Variants in ROBO2 observed in about 807,000 individuals in gnomAD.
ROBO2 encodes the protein roundabout guidance receptor 2, also known as roundabout homolog 2.
A neutral mutation model predicts 160.8 loss-of-function variants in ROBO2; 53 were observed. The observed-to-expected ratio is 0.33, with a 90% CI of 0.26 to 0.41. ROBO2 has a LOEUF of 0.41. Among genes scored for constraint, ROBO2 ranks in the 10% least tolerant of loss-of-function variants. The pLI is 1.00. For synonymous variants in ROBO2, 664 were observed against 611.7 expected, an observed-to-expected ratio of 1.09 and a Z score of -1.26; for missense variants, 1,577 against 1,722.4, an observed-to-expected ratio of 0.92 and a Z score of 1.49.
intron 2 of ROBO2, among the ~76,000 whole-genome samples, chr3:76,253,770 A>G (rs1706185322): frequency 6.6e-6 from 1 of 151,830 alleles, no homozygotes; most frequent in African/African-American, 2.4e-5. Context: ...CAAGTGAGAT[A>G]GCATATCCAT....
At chr3:76,665,565 G>C (rs1411544961) in intron 2 of ROBO2, among the ~76,000 whole-genome samples, 1 of 151,442 alleles carries the variant, frequency 6.6e-6, no homozygotes, top group Admixed American at 6.6e-5. Flanking sequence ...TAAGGCCAAT[G>C]ATGGAACAAT....
chr3:76,653,502 G>C (rs1055307738), intron 2 of ROBO2, among the ~76,000 whole-genome samples: 1 of 151,766 alleles, frequency 6.6e-6, no homozygotes, highest in Non-Finnish European at 1.5e-5. Context: ...CCAAAGTAAT[G>C]ATTTACTATT....
intron 2 of ROBO2, among the ~76,000 whole-genome samples, chr3:76,908,104 T>C (rs991386452): frequency 2.6e-5 from 4 of 152,094 alleles, no homozygotes; most frequent in African/African-American, 9.7e-5. Context: ...CTTCCCAAAG[T>C]GCTAGGATTA....
chr3:76,653,920 T>A (rs1252791622), intron 2 of ROBO2, among the ~76,000 whole-genome samples: 2 of 152,126 alleles, frequency 1.3e-5, no homozygotes, highest in African/African-American at 4.8e-5. Flanking sequence ...CCTCTTACCT[T>A]TTTAATATGG....
In ROBO2 at chr3:76,126,730, T is replaced by C. The variant is rs17013816; in HGVS notation, c.109+189128T>C. On this transcript the variant is annotated intron_variant, in intron 2 of 26. Coordinates refer to the ROBO2 transcript ENST00000487694. ...TCTCCTTACTTTTGAGGGAATACAG[T>C]ATCATGTTCAAATGATCCCTACATT... Among the ~76,000 whole-genome samples the C allele has an allele frequency of 3.0e-3, 462 of 152,292 alleles. 4 individuals are homozygous for C. Among genetic ancestry groups the C allele is most frequent in the African/African-American group, 0.011 (445 of 41,580 alleles).
At chr3:77,557,416 T>A (rs981508515) in intron 8 of ROBO2, among the ~76,000 whole-genome samples, 2 of 151,936 alleles carry the variant, frequency 1.3e-5, no homozygotes, top group Non-Finnish European at 2.9e-5. Context: ...TATTTTAACA[T>A]CAGCAGAAAT....
intron 2 of ROBO2, among the ~76,000 whole-genome samples, chr3:77,444,480 A>T (rs934476854): frequency 1.3e-5 from 2 of 152,194 alleles, no homozygotes; most frequent in African/African-American, 4.8e-5. Context: ...GTTCAATGAC[A>T]TACCAGTTTC....
At chr3:76,416,835 C>T (rs1472083273) in intron 2 of ROBO2, among the ~76,000 whole-genome samples, 1 of 152,064 alleles carries the variant, frequency 6.6e-6, no homozygotes, top group African/African-American at 2.4e-5. Flanking sequence ...ATCTCTTCTT[C>T]GTGATAATGT....
In ROBO2 at chr3:76,639,156, G is replaced by T. The variant is rs141021215; in HGVS notation, c.110-458858G>T. 8.8e-3 allele frequency among the ~76,000 whole-genome samples: 1,338 copies of T among 151,986 alleles called. 13 individuals carry two copies. Among genetic ancestry groups the T allele is most frequent in the African/African-American group, 0.03 (1,263 of 41,442 alleles). On this transcript the variant is annotated intron_variant, in intron 2 of 26. Transcript: ENST00000487694. ...AATATATATGTATCTATACATATGT[G>T]CATGTATACATATGTGTATATATGT...
chr3:76,419,796 C>G (rs2108911825), intron 2 of ROBO2, among the ~76,000 whole-genome samples: 1 of 152,110 alleles, frequency 6.6e-6, no homozygotes, highest in East Asian at 1.9e-4. Context: ...GACTGAATAG[C>G]TATTTCCAAT....
At chr3:76,040,562 T>G (rs1343276343) in intron 2 of ROBO2, among the ~76,000 whole-genome samples, 1 of 152,070 alleles carries the variant, frequency 6.6e-6, no homozygotes, top group Non-Finnish European at 1.5e-5. Context: ...ATAATTTTAT[T>G]TTTGTAAGAA....
intron 2 of ROBO2, among the ~76,000 whole-genome samples, chr3:77,410,645 T>C (rs1159763687): frequency 1.0e-3 from 58 of 55,610 alleles, no homozygotes; most frequent in Admixed American, 2.7e-3. Context: ...CCTGCTCCTC[T>C]TTCTCCTCCT....
At chr3:76,989,816 T>C (rs1021890159) in intron 2 of ROBO2, among the ~76,000 whole-genome samples, 4 of 152,068 alleles carry the variant, frequency 2.6e-5, no homozygotes, top group Non-Finnish European at 5.9e-5. Context: ...TGAAATAAAA[T>C]TTTCTTATAT....
At chr3:76,263,804 G>T (rs938964101) in intron 2 of ROBO2, among the ~76,000 whole-genome samples, 8 of 152,038 alleles carry the variant, frequency 5.3e-5, no homozygotes, top group Non-Finnish European at 1.0e-4. Context: ...CAACAGCAAA[G>T]ACTTGGAACC....
intron 2 of ROBO2, among the ~76,000 whole-genome samples, chr3:76,405,733 C>G (rs1012813839): frequency 6.6e-6 from 1 of 151,604 alleles, no homozygotes; most frequent in African/African-American, 2.4e-5. Flanking sequence ...CTCTTAATGT[C>G]AAAAGCAACC....
At chr3:76,910,287 T>A (rs955657098) in intron 2 of ROBO2, among the ~76,000 whole-genome samples, 2 of 152,162 alleles carry the variant, frequency 1.3e-5, no homozygotes, top group Non-Finnish European at 2.9e-5. Flanking sequence ...AACTAATACA[T>A]CCTCAACAAC....
chr3:76,821,139 A>G (rs1384933554), intron 2 of ROBO2, among the ~76,000 whole-genome samples: 1 of 152,028 alleles, frequency 6.6e-6, no homozygotes, highest in Non-Finnish European at 1.5e-5. Flanking sequence ...AATCGAAAAA[A>G]TAAACACTAC....
At chr3:75,977,204 A>T (rs2065155926) in intron 2 of ROBO2, among the ~76,000 whole-genome samples, 1 of 151,556 alleles carries the variant, frequency 6.6e-6, no homozygotes, top group South Asian at 2.1e-4. Context: ...TCTGTCTCAC[A>T]ATTGTCCCTG....
At chr3:76,306,989 C>A (rs945462387) in intron 2 of ROBO2, among the ~76,000 whole-genome samples, 2 of 151,976 alleles carry the variant, frequency 1.3e-5, no homozygotes, top group Admixed American at 1.3e-4. Flanking sequence ...TAATTTAAAC[C>A]CTTTGTTGAC....
Sources: gnomAD v4.1 joint callset for allele counts (sites outside exome capture counted in the v4.1 genomes callset) on GRCh38, gnomAD v4.1.1 for gene constraint, MANE v1.5 for transcripts, NCBI Gene and HGNC (gene_info 2026-07-23, HGNC 2026-07-21) for gene names.